Variants in CLDN14 observed in about 807,000 individuals in gnomAD.
The protein encoded by CLDN14 is claudin 14, also known as claudin-14.
Under a neutral mutation model 2.1 loss-of-function variants are expected in CLDN14, and 2 were observed. The observed-to-expected ratio is 0.96, with a 90% CI of 0.39 to 3.01. CLDN14 has a LOEUF of 3.01. CLDN14 is among the 30% of genes most tolerant of loss of function. CLDN14 has a pLI of 0.09. For missense variants in CLDN14, 298 were observed against 328.0 expected (o/e 0.91, Z 0.71); for synonymous variants, 136 against 154.4 (o/e 0.88, Z 0.88).
Position 36,460,959 on chromosome 21 carries a change from A to G in CLDN14, c.*17T>C. ...CCCAGCCCACAGCAGCCCAGGGGAG[A>G]AGCAGGCTGTGGGGACTCACACGTA... On this transcript the variant is annotated 3_prime_UTR_variant, in exon 2 of 2. Transcript: ENST00000399135. The surrounding 1 kb of genome is among the most constrained non-coding windows in gnomAD (Gnocchi z 4.0). The G allele has an allele frequency of 6.2e-7, 1 of 1,610,414 alleles. No individual in the cohort carries two copies. The highest frequency in any genetic ancestry group is 8.5e-7 in the Non-Finnish European group (1 of 1,178,924).
intron 1 of CLDN14, among the ~76,000 whole-genome samples, chr21:36,567,795 G>A (rs569240277): frequency 3.3e-5 from 5 of 152,254 alleles, no homozygotes; most frequent in Admixed American, 6.5e-5. Context: ...TATGGAAGGG[G>A]GAAGGAGGGA....
intron 1 of CLDN14, among the ~76,000 whole-genome samples, chr21:36,477,972 G>A (rs219744): frequency 0.39 from 59,932 of 152,112 alleles, 14,261 homozygotes; most frequent in African/African-American, 0.68. Flanking sequence ...GGCCACCTGC[G>A]TTTTAAAAAC....
At chr21:36,516,539 AAG>A (rs1431160233) in intron 1 of CLDN14, among the ~76,000 whole-genome samples, 1 of 152,238 alleles carries the variant, frequency 6.6e-6, no homozygotes, top group Non-Finnish European at 1.5e-5. Flanking sequence ...TATTCATCAA[AAG>A]GTACAAGTAT....
chr21:36,553,205 C>T (rs996188741), intron 1 of CLDN14, among the ~76,000 whole-genome samples: 4 of 152,318 alleles, frequency 2.6e-5, no homozygotes, highest in East Asian at 1.9e-4. Flanking sequence ...GGACTCCCCT[C>T]GAGCTGACCA....
rs372253766 is a variant in CLDN14, at chr21:36,497,411, G to A, written c.-82+12952C>T. Reference sequence around the variant, plus strand: ...GGAGGAAGGAAGGGAGGGAGGGAGGGAGGAAGGGAGGGAGGCAGGCGGCAG... The same window carrying A: ...GGAGGAAGGAAGGGAGGGAGGGAGGAAGGAAGGGAGGGAGGCAGGCGGCAG... On this transcript the variant is annotated intron_variant, in intron 2 of 2. Transcript: ENST00000342108. Among the ~76,000 whole-genome samples the A allele has an allele frequency of 1.5e-3, 41 of 27,678 alleles. 9 individuals are homozygous for A. Among genetic ancestry groups the A allele is most frequent in the Non-Finnish European group, 3.6e-3 (21 of 5,760 alleles). The allele number at this position is 27,678 out of a possible 152,430, so 18.2% of individuals were successfully genotyped here.
chr21:36,490,477 C>T (rs192531623), intron 2 of CLDN14, among the ~76,000 whole-genome samples: 1 of 151,076 alleles, frequency 6.6e-6, no homozygotes, highest in Non-Finnish European at 1.5e-5. Context: ...CAACCTCCAC[C>T]TCCTGGGTTC....
intron 1 of CLDN14, among the ~76,000 whole-genome samples, chr21:36,463,632 G>T (rs888265792): frequency 2.0e-5 from 3 of 152,204 alleles, no homozygotes; most frequent in African/African-American, 7.2e-5. Flanking sequence ...AGAATCGCTT[G>T]AACCGGGAGG....
chr21:36,494,993 C>A (rs1458397800), intron 2 of CLDN14, among the ~76,000 whole-genome samples: 1 of 152,152 alleles, frequency 6.6e-6, no homozygotes, highest in African/African-American at 2.4e-5. Flanking sequence ...CTGCTGTTAC[C>A]TGAGTTCCCT....
intron 1 of CLDN14, among the ~76,000 whole-genome samples, chr21:36,466,947 C>T (rs2086654417): frequency 6.6e-6 from 1 of 152,250 alleles, no homozygotes; most frequent in Admixed American, 6.5e-5. Flanking sequence ...CATGCAAGTT[C>T]GAAATCCAAT....
chr21:36,526,107 A>G (rs538704273), intron 1 of CLDN14, among the ~76,000 whole-genome samples: 1 of 152,254 alleles, frequency 6.6e-6, no homozygotes, highest in Admixed American at 6.5e-5. Context: ...GGAATCCACA[A>G]GGAGTCTAGC....
chr21:36,560,155 T>C (rs1445694413), intron 1 of CLDN14, among the ~76,000 whole-genome samples: 3 of 152,134 alleles, frequency 2.0e-5, no homozygotes. Flanking sequence ...GAGATCAAAA[T>C]CTTTAGGCTC....
intron 1 of CLDN14, among the ~76,000 whole-genome samples, chr21:36,562,543 A>G (rs2087643263): frequency 6.6e-6 from 1 of 152,178 alleles, no homozygotes; most frequent in South Asian, 2.1e-4. Flanking sequence ...AGCCCCACCA[A>G]GTCTCCAGAG....
intron 1 of CLDN14, among the ~76,000 whole-genome samples, chr21:36,570,621 AT>A (rs2087702806): frequency 6.6e-6 from 1 of 152,184 alleles, no homozygotes. Context: ...ATGGACATAT[AT>A]ATATTATGGA....
chr21:36,560,551 A>G (rs914907020), intron 1 of CLDN14, among the ~76,000 whole-genome samples: 2 of 152,232 alleles, frequency 1.3e-5, no homozygotes, highest in Non-Finnish European at 2.9e-5. Flanking sequence ...TTACATGAAT[A>G]GATTTTTGCA....
chr21:36,570,872 C>T (rs904096154), intron 1 of CLDN14, among the ~76,000 whole-genome samples: 1 of 152,146 alleles, frequency 6.6e-6, no homozygotes, highest in African/African-American at 2.4e-5. Context: ...GATGGAGTCT[C>T]GCTCTGTTGC....
chr21:36,535,176 G>C (rs1481234284), intron 1 of CLDN14, among the ~76,000 whole-genome samples: 1 of 152,140 alleles, frequency 6.6e-6, no homozygotes, highest in Non-Finnish European at 1.5e-5. Context: ...GATCACCTGA[G>C]GTCAGGAGTT....
chr21:36,561,476 T>C (rs1397129797), intron 1 of CLDN14, among the ~76,000 whole-genome samples: 1 of 152,052 alleles, frequency 6.6e-6, no homozygotes, highest in African/African-American at 2.4e-5. Context: ...CACAGGTCAC[T>C]TGGTTCCCGC....
At chr21:36,478,472 T>C (rs2146445342) in intron 1 of CLDN14, among the ~76,000 whole-genome samples, 1 of 152,338 alleles carries the variant, frequency 6.6e-6, no homozygotes, top group Non-Finnish European at 1.5e-5. Flanking sequence ...TGACAAGCCC[T>C]TTGGGACAGA....
chr21:36,475,625 C>G (rs1465213942), intron 1 of CLDN14, among the ~76,000 whole-genome samples: 1 of 152,156 alleles, frequency 6.6e-6, no homozygotes, highest in Non-Finnish European at 1.5e-5. Flanking sequence ...ATCACGGCTC[C>G]CTGCGGCCTT....
Sources: gnomAD v4.1 joint callset for allele counts (sites outside exome capture counted in the v4.1 genomes callset) on GRCh38, gnomAD v4.1.1 for gene constraint, Gnocchi (gnomAD v3.1) non-coding constraint, MANE v1.5 for transcripts, NCBI Gene and HGNC (gene_info 2026-07-23, HGNC 2026-07-21) for gene names.